DSE: variants seen among roughly 807,000 people sequenced by gnomAD.
DSE encodes dermatan sulfate epimerase, also known as dermatan-sulfate epimerase.
A neutral mutation model predicts 84.4 loss-of-function variants in DSE; 36 were observed. That is an observed-to-expected ratio of 0.43 (90% confidence interval 0.33 to 0.56). The LOEUF (loss-of-function observed/expected upper bound fraction) is 0.56. Among genes scored for constraint, DSE ranks in the 20% least tolerant of loss-of-function variants. The pLI is 0.06. For missense variants in DSE, 862 were observed against 1,169.6 expected, an observed-to-expected ratio of 0.74 and a Z score of 3.84; for synonymous variants, 410 against 430.1, an observed-to-expected ratio of 0.95 and a Z score of 0.58.
chr6:116,405,232 T>C (rs1781845176), intron 2 of DSE, among the ~76,000 whole-genome samples: 1 of 152,180 alleles, frequency 6.6e-6, no homozygotes, highest in Non-Finnish European at 1.5e-5. Context: ...TGCAGCTGTT[T>C]CTCGGGTTTT....
At chr6:116,396,381 G>C (rs1426120925) in intron 1 of DSE, among the ~76,000 whole-genome samples, 1 of 152,170 alleles carries the variant, frequency 6.6e-6, no homozygotes, top group Non-Finnish European at 1.5e-5. Flanking sequence ...ACACTGAGTG[G>C]GGCATGGGGA....
At chr6:116,278,287 G>T in intron 2 of DSE, 1 of 554,844 alleles carries the variant, frequency 1.8e-6, no homozygotes, top group Non-Finnish European at 3.2e-6. Context: ...GGATGACCTC[G>T]TAGCATGTGA....
At chr6:116,433,774 G>T (rs537599039) in intron 5 of DSE, among the ~76,000 whole-genome samples, 1 of 152,122 alleles carries the variant, frequency 6.6e-6, no homozygotes, top group South Asian at 2.1e-4. Flanking sequence ...AGATACAGGG[G>T]TACATGTGCA....
At chr6:116,408,742 A>ATT in intron 2 of DSE, among the ~76,000 whole-genome samples, 1 of 152,348 alleles carries the variant, frequency 6.6e-6, no homozygotes, top group Middle Eastern at 3.4e-3. Flanking sequence ...ATCTCAGATT[A>ATT]CCTGGTCTTT....
chr6:116,321,517 A>G (rs11754913), intron 2 of DSE, among the ~76,000 whole-genome samples: 20,778 of 152,036 alleles, frequency 0.14, 1,519 homozygotes, highest in South Asian at 0.16. Context: ...GGCCAGGCAC[A>G]GTGGCTCATG....
At chr6:116,292,680 A>T (rs1468226960) in intron 2 of DSE, among the ~76,000 whole-genome samples, 3 of 152,186 alleles carry the variant, frequency 2.0e-5, no homozygotes, top group African/African-American at 7.2e-5. Context: ...AACAAAAAAA[A>T]AGAAAACAAA....
intron 1 of DSE, chr6:116,254,472 GGT>G (rs1327900057): frequency 6.4e-6 from 2 of 310,526 alleles, no homozygotes; most frequent in African/African-American, 4.4e-5. Flanking sequence ...CTTCTTTTAA[GGT>G]GTGGATTCAT....
At chr6:116,349,395 A>G (rs1432681447) in intron 2 of DSE, among the ~76,000 whole-genome samples, 2 of 152,210 alleles carry the variant, frequency 1.3e-5, no homozygotes, top group African/African-American at 2.4e-5. Context: ...GGTGCTTTCA[A>G]GCTGACTCAA....
chr6:116,374,106 G>C (rs1031554383), intron 1 of DSE, among the ~76,000 whole-genome samples: 9 of 151,012 alleles, frequency 6.0e-5, no homozygotes, highest in African/African-American at 2.2e-4. Context: ...CGATTGTGTT[G>C]CTTACTTCTG....
chr6:116,359,120 AAT>A (rs768553049), intron 2 of DSE, among the ~76,000 whole-genome samples: 3 of 151,944 alleles, frequency 2.0e-5, no homozygotes, highest in Non-Finnish European at 4.4e-5. Context: ...CTGAAACTTT[AAT>A]ATATATATAT....
At chr6:116,406,185 G>A (rs74917216) in intron 2 of DSE, among the ~76,000 whole-genome samples, 1 of 152,168 alleles carries the variant, frequency 6.6e-6, no homozygotes, top group African/African-American at 2.4e-5. Flanking sequence ...CGCCCTTTCA[G>A]TGTCATTTGA....
At chr6:116,379,638 A>G (rs1450697411) in intron 1 of DSE, among the ~76,000 whole-genome samples, 1 of 152,158 alleles carries the variant, frequency 6.6e-6, no homozygotes, top group East Asian at 1.9e-4. Context: ...TTTCTAAGGA[A>G]ACAAGTACTG....
intron 2 of DSE, among the ~76,000 whole-genome samples, chr6:116,360,743 A>G (rs1399342300): frequency 6.6e-6 from 1 of 152,202 alleles, no homozygotes; most frequent in Non-Finnish European, 1.5e-5. Flanking sequence ...GATGATAGTT[A>G]ATTTTGATTC....
intron 2 of DSE, among the ~76,000 whole-genome samples, chr6:116,344,596 C>A (rs1002805699): frequency 2.0e-5 from 3 of 152,158 alleles, no homozygotes; most frequent in African/African-American, 7.2e-5. Context: ...GAGATTTTGT[C>A]ACCATCAGGC....
intron 2 of DSE, among the ~76,000 whole-genome samples, chr6:116,416,866 C>T (rs940333866): frequency 1.2e-4 from 19 of 152,202 alleles, no homozygotes; most frequent in African/African-American, 3.9e-4. Flanking sequence ...CTTTTTGAAA[C>T]ATATTTTACA....
chr6:116,419,309 A>T (rs942359297), intron 2 of DSE, among the ~76,000 whole-genome samples: 1 of 152,246 alleles, frequency 6.6e-6, no homozygotes, highest in Non-Finnish European at 1.5e-5. Flanking sequence ...TTTAACATTC[A>T]TGGTTAGTTT....
chr6:116,324,840 G>C (rs1776529793), intron 2 of DSE, among the ~76,000 whole-genome samples: 1 of 152,098 alleles, frequency 6.6e-6, no homozygotes, highest in African/African-American at 2.4e-5. Flanking sequence ...CACCCTTTTG[G>C]GGATGCATGC....
At chr6:116,286,518 C>T (rs1332083439) in intron 2 of DSE, among the ~76,000 whole-genome samples, 2 of 152,076 alleles carry the variant, frequency 1.3e-5, no homozygotes, top group South Asian at 4.1e-4. Flanking sequence ...CTTTTTATAA[C>T]AGATATCTTC....
chr6:116,401,503 A>T (rs1233792730), intron 2 of DSE, among the ~76,000 whole-genome samples: 1 of 152,156 alleles, frequency 6.6e-6, no homozygotes, highest in Admixed American at 6.5e-5. Context: ...TTACCTTTAC[A>T]TCTGGTTTCT....
Sources: gnomAD v4.1 joint callset for allele counts (sites outside exome capture counted in the v4.1 genomes callset) on GRCh38, gnomAD v4.1.1 for gene constraint, MANE v1.5 for transcripts, NCBI Gene and HGNC (gene_info 2026-07-23, HGNC 2026-07-21) for gene names.